TAFA5: variants seen among roughly 807,000 people sequenced by gnomAD.
TAFA5 encodes the protein TAFA chemokine like family member 5, also known as chemokine-like protein TAFA-5.
In TAFA5, 6 loss-of-function variants were observed where a neutral mutation model predicts 15.3. The observed-to-expected ratio is 0.39, with a 90% confidence interval of 0.21 to 0.77. The LOEUF (loss-of-function observed/expected upper bound fraction) is 0.77, where lower values mean the gene tolerates loss of function less well. Ranked by LOEUF, TAFA5 falls within the 30% of genes least tolerant of loss-of-function variation. TAFA5 has a pLI of 0.41. For missense variants in TAFA5, 161 were observed against 193.1 expected (o/e 0.83, Z 0.98); for synonymous variants, 103 against 80.7 (o/e 1.28, Z -1.48).
At chr22:48,734,016 G>A (rs766172956) in intron 3 of TAFA5, among the ~76,000 whole-genome samples, 7 of 152,108 alleles carry the variant, frequency 4.6e-5, no homozygotes, top group Non-Finnish European at 7.4e-5. Context: ...TCACCTTTAG[G>A]AGAAGTCCAC....
At chr22:48,592,104 C>A (rs1924591180) in intron 1 of TAFA5, among the ~76,000 whole-genome samples, 1 of 151,994 alleles carries the variant, frequency 6.6e-6, no homozygotes, top group Non-Finnish European at 1.5e-5. Context: ...CTTGGTCGGG[C>A]CCCACCCTGA....
chr22:48,526,050 C>G (rs1295939702), intron 1 of TAFA5, among the ~76,000 whole-genome samples: 3 of 152,274 alleles, frequency 2.0e-5, no homozygotes, highest in Non-Finnish European at 2.9e-5. Context: ...GATCTCTGCA[C>G]TCATCCTTTC....
rs75839959 is a variant in TAFA5 at position 48,614,186 on chromosome 22, G to A, written c.113-32411G>A. On this transcript the variant is annotated intron_variant, in intron 1 of 3. Coordinates refer to ENST00000402357, the MANE Select transcript of TAFA5 (RefSeq NM_001082967.3). The stretch of plus-strand genomic sequence containing the variant: ...AGGCGCCCTCTCCTGAAGGGCCTGC[G>A]CAGAGCTGGGGGCCCGAACCATTCC... Among the ~76,000 whole-genome samples, 705 of 152,316 alleles carry A rather than the reference G, an allele frequency of 4.6e-3. 7 individuals carry two copies. Among genetic ancestry groups the A allele is most frequent in the African/African-American group, 0.016 (677 of 41,572 alleles).
chr22:48,551,199 C>T (rs1922843515), intron 1 of TAFA5, among the ~76,000 whole-genome samples: 1 of 152,118 alleles, frequency 6.6e-6, no homozygotes, highest in African/African-American at 2.4e-5. Context: ...GCCTGGGCTC[C>T]CAGGGCCCCT....
At position 48,566,154 on chromosome 22, in the gene TAFA5, A is replaced by G. The variant is rs762035195; in HGVS notation, c.112+76450A>G. Among the ~76,000 whole-genome samples, 9 of 150,916 alleles carry G rather than the reference A, an allele frequency of 6.0e-5. No individual in the cohort carries two copies. The highest frequency in any genetic ancestry group is 1.3e-4 in the Non-Finnish European group (9 of 67,740). On this transcript the variant is annotated intron_variant, in intron 1 of 3. Transcript: ENST00000402357. The surrounding 1 kb of genome is among the most constrained non-coding windows in gnomAD (Gnocchi z 4.5). ...ATGATGAATGGATGATGGGTGGACA[A>G]TGAATGGATGGTGATGGGTGGATGG...
At chr22:48,647,891 G>A (rs976974478) in intron 2 of TAFA5, among the ~76,000 whole-genome samples, 5 of 152,166 alleles carry the variant, frequency 3.3e-5, no homozygotes, top group Admixed American at 1.3e-4. Context: ...GGTCCCTGAC[G>A]CCACTTCTTG....
chr22:48,604,156 C>A (rs149258645), intron 1 of TAFA5, among the ~76,000 whole-genome samples: 1 of 152,202 alleles, frequency 6.6e-6, no homozygotes, highest in Non-Finnish European at 1.5e-5. Context: ...GGGGCATTGA[C>A]GTGCCCAGCC....
At chr22:48,546,290 G>A (rs942811931) in intron 1 of TAFA5, among the ~76,000 whole-genome samples, 2 of 152,206 alleles carry the variant, frequency 1.3e-5, no homozygotes, top group African/African-American at 2.4e-5. Context: ...GTGCGCTGAC[G>A]GCATTGTCAG....
At chr22:48,614,557 A>C (rs933875545) in intron 1 of TAFA5, among the ~76,000 whole-genome samples, 1 of 152,156 alleles carries the variant, frequency 6.6e-6, no homozygotes, top group Non-Finnish European at 1.5e-5. Context: ...GCCCTCCCCC[A>C]GGGCTCCTTG....
intron 3 of TAFA5, among the ~76,000 whole-genome samples, chr22:48,740,427 A>C (rs1482698195): frequency 3.9e-5 from 6 of 152,054 alleles, no homozygotes; most frequent in African/African-American, 1.4e-4. Context: ...AATAGCCTTC[A>C]CTCTCTGGTT....
intron 1 of TAFA5, among the ~76,000 whole-genome samples, chr22:48,599,524 G>A (rs961674569): frequency 6.6e-6 from 1 of 152,258 alleles, no homozygotes; most frequent in Non-Finnish European, 1.5e-5. Context: ...ATGGCACAGA[G>A]AGAGCGTGAC....
chr22:48,496,788 G>A (rs1215793196), intron 1 of TAFA5, among the ~76,000 whole-genome samples: 2 of 152,142 alleles, frequency 1.3e-5, no homozygotes, highest in Non-Finnish European at 1.5e-5. Flanking sequence ...GGGGGTTAAC[G>A]GCGTAGGCTG....
intron 1 of TAFA5, among the ~76,000 whole-genome samples, chr22:48,557,372 G>A (rs2147130047): frequency 6.6e-6 from 1 of 152,292 alleles, no homozygotes; most frequent in African/African-American, 2.4e-5. Flanking sequence ...GGAGGGCGGC[G>A]CCGGGAGGAA....
chr22:48,734,326 C>G (rs1218689322), intron 3 of TAFA5, among the ~76,000 whole-genome samples: 1 of 152,212 alleles, frequency 6.6e-6, no homozygotes, highest in Non-Finnish European at 1.5e-5. Flanking sequence ...GCCAGCTGTT[C>G]TTTCAAAAGT....
At chr22:48,649,522 C>T (rs966682126) in intron 2 of TAFA5, among the ~76,000 whole-genome samples, 10 of 152,190 alleles carry the variant, frequency 6.6e-5, no homozygotes, top group Non-Finnish European at 1.2e-4. Context: ...TATCAATTTG[C>T]ATCTGTAGAA....
chr22:48,618,250 C>T (rs919542676), intron 1 of TAFA5, among the ~76,000 whole-genome samples: 22 of 152,186 alleles, frequency 1.4e-4, no homozygotes, highest in Non-Finnish European at 2.6e-4. Flanking sequence ...GGCTTAGCAG[C>T]GGCACAGAGC....
At chr22:48,615,469 C>CT (rs1327547538) in intron 1 of TAFA5, among the ~76,000 whole-genome samples, 1 of 152,212 alleles carries the variant, frequency 6.6e-6, no homozygotes. Flanking sequence ...CTTCGCCTAG[C>CT]TGTGGGGGCC....
intron 2 of TAFA5, among the ~76,000 whole-genome samples, chr22:48,662,851 A>G (rs889113372): frequency 2.0e-5 from 3 of 152,214 alleles, no homozygotes; most frequent in African/African-American, 7.2e-5. Flanking sequence ...CGCAGCTGCA[A>G]TGGTGGCCTC....
chr22:48,508,333 G>A (rs746126437), intron 1 of TAFA5, among the ~76,000 whole-genome samples: 36 of 152,254 alleles, frequency 2.4e-4, no homozygotes, highest in Non-Finnish European at 3.2e-4. Flanking sequence ...CAGGGCTGCC[G>A]CCCCCCCAGA....
Sources: gnomAD v4.1 joint callset for allele counts (sites outside exome capture counted in the v4.1 genomes callset) on GRCh38, gnomAD v4.1.1 for gene constraint, Gnocchi (gnomAD v3.1) non-coding constraint, MANE v1.5 for transcripts, NCBI Gene and HGNC (gene_info 2026-07-23, HGNC 2026-07-21) for gene names.